HDAC9: variants seen among roughly 807,000 people sequenced by gnomAD.
HDAC9 encodes the protein MEF-2 interacting transcription repressor (MITR) protein.
Under a neutral mutation model 139.4 loss-of-function variants are expected in HDAC9, and 41 were observed. The ratio of observed to expected loss-of-function variants is 0.29; its 90% CI spans 0.23 to 0.38. The LOEUF is 0.38. Among genes scored for constraint, HDAC9 ranks in the 10% least tolerant of loss-of-function variants. The pLI is 1.00. For missense variants in HDAC9, 1,147 were observed against 1,297.0 expected, an observed-to-expected ratio of 0.88 and a Z score of 1.78; for synonymous variants, 517 against 476.2, an observed-to-expected ratio of 1.09 and a Z score of -1.12.
chr7:18,519,603 T>G (rs1018222816), intron 2 of HDAC9, among the ~76,000 whole-genome samples: 15 of 152,136 alleles, frequency 9.9e-5, no homozygotes, highest in Non-Finnish European at 1.6e-4. Flanking sequence ...AGATAATGCT[T>G]AGTGTTGATT....
chr7:18,202,845 G>T (rs1791239093), intron 2 of HDAC9, among the ~76,000 whole-genome samples: 1 of 152,172 alleles, frequency 6.6e-6, no homozygotes, highest in Non-Finnish European at 1.5e-5. Context: ...TCAAGTGGTT[G>T]CCATGGGCTC....
intron 16 of HDAC9, among the ~76,000 whole-genome samples, chr7:18,769,817 C>T (rs1790134654): frequency 6.6e-6 from 1 of 152,114 alleles, no homozygotes; most frequent in Admixed American, 6.6e-5. Flanking sequence ...AAGGCCCCAA[C>T]TTGGCAGCAT....
chr7:18,288,019 C>T (rs192491069), upstream of HDAC9, among the ~76,000 whole-genome samples: 2 of 152,248 alleles, frequency 1.3e-5, no homozygotes, highest in Non-Finnish European at 2.9e-5. Context: ...TTTTAGTATA[C>T]GTTGAATTTC....
At chr7:18,183,157 C>G (rs1214975528) in intron 2 of HDAC9, among the ~76,000 whole-genome samples, 2 of 152,026 alleles carry the variant, frequency 1.3e-5, no homozygotes, top group East Asian at 1.9e-4. Flanking sequence ...CTACAGGTGC[C>G]TGCCACCACA....
chr7:18,338,531 G>A lies in HDAC9; in HGVS notation c.-42+48016G>A, dbSNP rs557543231. On this transcript the variant is annotated intron_variant, in intron 1 of 3. Coordinates refer to the HDAC9 transcript ENST00000413509. Reference sequence around the variant, plus strand: ...TTTCATGTCATCAAGAATGCATTTAGTATTTCCTACTTCTACTGAAAAGTC... The same window carrying A: ...TTTCATGTCATCAAGAATGCATTTAATATTTCCTACTTCTACTGAAAAGTC... Among the ~76,000 whole-genome samples the A allele has an allele frequency of 1.3e-4, 19 of 151,638 alleles. No individual in the cohort carries two copies. The South Asian group carries it at 3.7e-3, about 30-fold the overall frequency.
At chr7:18,386,211 GTA>G (rs1465230353) in intron 1 of HDAC9, among the ~76,000 whole-genome samples, 1 of 152,084 alleles carries the variant, frequency 6.6e-6, no homozygotes, top group Non-Finnish European at 1.5e-5. Flanking sequence ...CATGTACCTT[GTA>G]TAGATCTTTT....
intron 12 of HDAC9, among the ~76,000 whole-genome samples, chr7:18,690,681 T>G (rs562985887): frequency 3.3e-4 from 50 of 152,156 alleles, no homozygotes; most frequent in East Asian, 2.5e-3. Flanking sequence ...CATGAATTTA[T>G]TCATAGAAAA....
At chr7:18,468,991 A>T in intron 1 of HDAC9, among the ~76,000 whole-genome samples, 1 of 152,208 alleles carries the variant, frequency 6.6e-6, no homozygotes, top group Non-Finnish European at 1.5e-5. Context: ...TCAGACTTTT[A>T]TTCATGCATC....
In HDAC9 at chr7:18,918,826, A is replaced by G. The variant is rs1473366019; in HGVS notation, c.2804-16983A>G. On this transcript the variant is annotated intron_variant, in intron 22 of 25. Transcript: ENST00000686413. ...AAATGATTACGGTGGAATTAATGAG[A>G]GTTCTCCTGTTTAAAAACTTAGTTT... Among the ~76,000 whole-genome samples, 6 of 152,054 alleles carry G rather than the reference A, an allele frequency of 3.9e-5. No homozygotes were observed. In the East Asian group the frequency reaches 1.2e-3, roughly 29 times the overall value.
chr7:18,442,232 C>T lies in HDAC9; in HGVS notation c.-41-54030C>T, dbSNP rs976233633. On this transcript the variant is annotated intron_variant, in intron 1 of 3. Coordinates refer to the HDAC9 transcript ENST00000413509. ...ACATCATATTTACAGGATTTCTTTC[C>T]GGTCAACATTGAGCATTTTCTACCC... Among the ~76,000 whole-genome samples, 10 of 152,134 alleles carry T rather than the reference C, an allele frequency of 6.6e-5. No individual in the cohort carries two copies. The East Asian group carries it at 7.7e-4, about 12-fold the overall frequency.
intron 1 of HDAC9, among the ~76,000 whole-genome samples, chr7:18,441,938 T>C (rs1435448564): frequency 6.6e-6 from 1 of 151,976 alleles, no homozygotes; most frequent in Non-Finnish European, 1.5e-5. Context: ...CGGCTAACTT[T>C]TTTTTGTATT....
chr7:18,202,840 T>G (rs1225053578), intron 2 of HDAC9, among the ~76,000 whole-genome samples: 1 of 152,158 alleles, frequency 6.6e-6, no homozygotes, highest in Non-Finnish European at 1.5e-5. Context: ...GATGCTCAAG[T>G]GGTTGCCATG....
intron 2 of HDAC9, among the ~76,000 whole-genome samples, chr7:18,554,546 A>G (rs1430261152): frequency 6.6e-6 from 1 of 152,094 alleles, no homozygotes; most frequent in Non-Finnish European, 1.5e-5. Context: ...CGTGTTAGCC[A>G]GGATGGTCTC....
intron 2 of HDAC9, among the ~76,000 whole-genome samples, chr7:18,248,804 C>G (rs1317969051): frequency 1.3e-5 from 2 of 152,078 alleles, no homozygotes; most frequent in Non-Finnish European, 2.9e-5. Flanking sequence ...TTCTGTGGTG[C>G]AAAGATGAGA....
chr7:18,341,939 T>C (rs1421538880), intron 1 of HDAC9, among the ~76,000 whole-genome samples: 5 of 151,864 alleles, frequency 3.3e-5, no homozygotes, highest in Admixed American at 6.6e-5. Context: ...AGAGTAATGC[T>C]GTCTAGGGCT....
chr7:18,827,604 T>G (rs140258370), intron 17 of HDAC9, among the ~76,000 whole-genome samples: 30 of 152,338 alleles, frequency 2.0e-4, no homozygotes, highest in African/African-American at 7.0e-4. Flanking sequence ...GTTGAATTTT[T>G]TAATAGCTAC....
chr7:18,541,814 C>A (rs1457438542), intron 2 of HDAC9, among the ~76,000 whole-genome samples: 1 of 152,128 alleles, frequency 6.6e-6, no homozygotes, highest in Non-Finnish European at 1.5e-5. Flanking sequence ...TAGATAACAA[C>A]ATATGTTCAT....
chr7:18,721,486 C>T (rs1785141246), intron 12 of HDAC9, among the ~76,000 whole-genome samples: 1 of 152,044 alleles, frequency 6.6e-6, no homozygotes, highest in Admixed American at 6.6e-5. Context: ...GTGAATTCTT[C>T]TTTAAAGTGT....
At chr7:18,849,078 A>G (rs913475484) in intron 21 of HDAC9, among the ~76,000 whole-genome samples, 1 of 152,238 alleles carries the variant, frequency 6.6e-6, no homozygotes, top group African/African-American at 2.4e-5. Context: ...TAGCAAACTT[A>G]GTGGGCATTT....
Sources: allele counts gnomAD v4.1 joint callset (sites outside exome capture counted in the v4.1 genomes callset), GRCh38; gene constraint gnomAD v4.1.1; transcripts MANE v1.5; gene names NCBI Gene and HGNC (gene_info 2026-07-23, HGNC 2026-07-21).